The following UNC13C variants were observed in gnomAD, a reference collection of about 807,000 sequenced individuals.
The protein encoded by UNC13C is protein unc-13 homolog C.
Under a neutral mutation model 245.4 loss-of-function variants are expected in UNC13C, and 174 were observed. The observed-to-expected ratio is 0.71, with a 90% CI of 0.63 to 0.80. The LOEUF (loss-of-function observed/expected upper bound fraction) is 0.80. UNC13C is among the 30% of genes least tolerant of loss of function. The pLI, the probability that UNC13C is intolerant of heterozygous loss-of-function variation, is 0.00. For missense variants in UNC13C, 2,829 were observed against 2,602.9 expected (o/e 1.09, Z -1.89); for synonymous variants, 992 against 895.1 (o/e 1.11, Z -1.93).
chr15:54,149,922 A>G (rs1383047608), intron 4 of UNC13C, among the ~76,000 whole-genome samples: 2 of 152,210 alleles, frequency 1.3e-5, no homozygotes, highest in African/African-American at 2.4e-5. Context: ...AGTATATGGG[A>G]TGACGTGCAC....
intron 4 of UNC13C, among the ~76,000 whole-genome samples, chr15:54,146,728 A>C (rs896401830): frequency 6.6e-6 from 1 of 152,208 alleles, no homozygotes; most frequent in Admixed American, 6.5e-5. Flanking sequence ...TATGTAAGCA[A>C]AGAGTCATAC....
intron 12 of UNC13C, among the ~76,000 whole-genome samples, chr15:54,299,395 C>G (rs988593827): frequency 3.3e-4 from 50 of 152,050 alleles, no homozygotes; most frequent in Non-Finnish European, 1.3e-4. Context: ...ATTTTGCAGC[C>G]CAAATCCTTT....
intron 4 of UNC13C, among the ~76,000 whole-genome samples, chr15:54,225,721 G>GT (rs1326378407): frequency 6.6e-6 from 1 of 152,150 alleles, no homozygotes; most frequent in African/African-American, 2.4e-5. Context: ...GACAAGATGG[G>GT]TTTTTTAGAT....
chr15:54,504,305 A>T (rs1242090500), intron 22 of UNC13C, among the ~76,000 whole-genome samples: 1 of 152,212 alleles, frequency 6.6e-6, no homozygotes, highest in African/African-American at 2.4e-5. Flanking sequence ...CTCTGGGAAC[A>T]TAATTCTAAT....
chr15:54,108,032 A>G (rs1900535992), intron 2 of UNC13C, among the ~76,000 whole-genome samples: 1 of 152,206 alleles, frequency 6.6e-6, no homozygotes, highest in Non-Finnish European at 1.5e-5. Flanking sequence ...AACATACTTT[A>G]GAGAGAAAAG....
chr15:53,931,182 T>TAAA, the UNC13C span, among the ~76,000 whole-genome samples: 1 of 152,118 alleles, frequency 6.6e-6, no homozygotes. Context: ...TATTTATTTA[T>TAAA]TTTTGAGACA....
At chr15:54,009,332 C>A (rs1006863188) in intron 1 of UNC13C, among the ~76,000 whole-genome samples, 1 of 152,140 alleles carries the variant, frequency 6.6e-6, no homozygotes, top group Non-Finnish European at 1.5e-5. Flanking sequence ...CCTGATTAGT[C>A]TTCTGTAATT....
Position 54,015,230 on chromosome 15 carries a change from C to T in UNC13C, c.2327C>T (p.Pro776Leu). 1.2e-6 allele frequency: 2 copies of T among 1,613,224 alleles called. No individual in the cohort carries two copies. Among genetic ancestry groups the T allele is most frequent in the Non-Finnish European group, 1.7e-6 (2 of 1,179,690 alleles). The change falls in exon 2 of 33, where the codon CCC becomes CTC. Residue 776 changes from proline to leucine, a missense_variant. Pro to Leu is a moderately conservative substitution (Grantham distance 98, BLOSUM62 -3). Coordinates refer to ENST00000260323, the MANE Select transcript of UNC13C (RefSeq NM_001080534.3). ...LQSDDSEDAPPKSWHSRLSID... is the reference protein window; with the variant it reads ...LQSDDSEDAPLKSWHSRLSID... ...AGTGATGATTCAGAGGATGCCCCAC[C>T]CAAATCATGGCATAGTCGATTAAGC...
the UNC13C span, among the ~76,000 whole-genome samples, chr15:53,886,807 G>T: frequency 2.6e-5 from 4 of 152,104 alleles, no homozygotes; most frequent in Non-Finnish European, 5.9e-5. Flanking sequence ...ATGACATCAT[G>T]AAATTGACAC....
At chr15:54,032,626 T>A (rs553822232) in intron 2 of UNC13C, among the ~76,000 whole-genome samples, 1 of 152,338 alleles carries the variant, frequency 6.6e-6, no homozygotes, top group Admixed American at 6.5e-5. Context: ...GGAAGGGACC[T>A]TCTAAATCAT....
chr15:54,147,819 T>C (rs1206533498), intron 4 of UNC13C, among the ~76,000 whole-genome samples: 2 of 152,080 alleles, frequency 1.3e-5, no homozygotes, highest in African/African-American at 2.4e-5. Context: ...TGTATGTGTG[T>C]GTCTATTCTC....
At chr15:54,520,262 T>C (rs1317666340) in intron 24 of UNC13C, among the ~76,000 whole-genome samples, 2 of 152,172 alleles carry the variant, frequency 1.3e-5, no homozygotes, top group Non-Finnish European at 2.9e-5. Context: ...GAAGTAAATA[T>C]GGAGGGAAGA....
chr15:53,901,293 C>T, the UNC13C span, among the ~76,000 whole-genome samples: 1 of 148,750 alleles, frequency 6.7e-6, no homozygotes, highest in South Asian at 2.1e-4. Context: ...GATCTCAGCT[C>T]ACTACAAGCT....
chr15:54,458,310 G>A (rs928476900), intron 19 of UNC13C, among the ~76,000 whole-genome samples: 1 of 151,888 alleles, frequency 6.6e-6, no homozygotes, highest in Non-Finnish European at 1.5e-5. Flanking sequence ...CTATCATATG[G>A]TCCGTCTTGG....
chr15:54,366,216 A>G (rs1268003138), intron 17 of UNC13C, among the ~76,000 whole-genome samples: 1 of 152,146 alleles, frequency 6.6e-6, no homozygotes, highest in Non-Finnish European at 1.5e-5. Context: ...CATTTCATCT[A>G]CATATAATTT....
At chr15:54,486,890 A>G (rs1893443347) in intron 19 of UNC13C, among the ~76,000 whole-genome samples, 1 of 152,196 alleles carries the variant, frequency 6.6e-6, no homozygotes, top group Admixed American at 6.5e-5. Flanking sequence ...CTTCCAAGTC[A>G]TATCATGGAG....
At chr15:54,200,189 T>G (rs2034478648) in intron 4 of UNC13C, among the ~76,000 whole-genome samples, 1 of 152,060 alleles carries the variant, frequency 6.6e-6, no homozygotes, top group Admixed American at 6.6e-5. Context: ...ATAAAACAAT[T>G]ACTTCTAGAC....
chr15:54,116,934 A>T (rs1163271938), intron 2 of UNC13C, among the ~76,000 whole-genome samples: 2 of 152,090 alleles, frequency 1.3e-5, no homozygotes, highest in African/African-American at 4.8e-5. Context: ...TGCCAGCATC[A>T]TTATTACTGA....
chr15:54,408,223 A>AAAAAAAAAAAAAAAAAAAAAAAAG (rs2040346514), intron 18 of UNC13C, among the ~76,000 whole-genome samples: 1 of 144,670 alleles, frequency 6.9e-6, no homozygotes, highest in Admixed American at 7.1e-5. Flanking sequence ...AAAAAAAAAA[A>AAAAAAAAAAAAAAAAAAAAAAAAG]AAAAAACATG....
Sources: allele counts gnomAD v4.1 joint callset (sites outside exome capture counted in the v4.1 genomes callset), GRCh38; gene constraint gnomAD v4.1.1; transcripts MANE v1.5; gene names NCBI Gene and HGNC (gene_info 2026-07-23, HGNC 2026-07-21).